The following AP3B1 variants were observed in gnomAD, a reference collection of about 807,000 sequenced individuals.
The protein encoded by AP3B1 is AP-3 complex subunit beta-1.
AP3B1 carries 61 observed loss-of-function variants against 132.5 expected under a neutral mutation model. The observed-to-expected ratio is 0.46, with a 90% CI of 0.37 to 0.57. The LOEUF (loss-of-function observed/expected upper bound fraction) is 0.57, where lower values mean the gene tolerates loss of function less well. AP3B1 is among the 20% of genes least tolerant of loss of function. AP3B1 has a pLI of 0.00. For missense variants in AP3B1, 1,120 were observed against 1,289.4 expected (o/e 0.87, Z 2.01); for synonymous variants, 388 against 438.3 (o/e 0.89, Z 1.43).
intron 2 of AP3B1, among the ~76,000 whole-genome samples, chr5:78,260,894 C>A (rs1422211902): frequency 6.6e-6 from 1 of 152,142 alleles, no homozygotes; most frequent in Non-Finnish European, 1.5e-5. Context: ...TTATTTGACT[C>A]AGCATAATGA....
At chr5:78,269,820 T>C (rs1044040576) in intron 1 of AP3B1, among the ~76,000 whole-genome samples, 9 of 152,208 alleles carry the variant, frequency 5.9e-5, no homozygotes, top group Non-Finnish European at 1.2e-4. Flanking sequence ...AATGTAATTT[T>C]ATGTTTATTG....
intron 7 of AP3B1, among the ~76,000 whole-genome samples, chr5:78,213,215 T>C (rs1358563175): frequency 6.6e-6 from 1 of 152,144 alleles, no homozygotes; most frequent in Admixed American, 6.5e-5. Flanking sequence ...CTACCATGTG[T>C]AGTCGCTAAA....
At chr5:78,148,819 A>C (rs1334719026) in intron 14 of AP3B1, among the ~76,000 whole-genome samples, 1 of 152,174 alleles carries the variant, frequency 6.6e-6, no homozygotes, top group Non-Finnish European at 1.5e-5. Flanking sequence ...GTCTTCTTCC[A>C]TCTAGAGTTC....
chr5:78,049,019 C>G (rs1236885266), intron 22 of AP3B1, among the ~76,000 whole-genome samples: 1 of 152,208 alleles, frequency 6.6e-6, no homozygotes, highest in Non-Finnish European at 1.5e-5. Flanking sequence ...TCTGCCATAT[C>G]TGTAGGTCAA....
Position 78,167,519 on chromosome 5 carries a change from C to CA in AP3B1, c.1168-1848dup, listed in dbSNP as rs202026122. Among the ~76,000 whole-genome samples the CA allele has an allele frequency of 6.6e-4, 100 of 152,090 alleles. No homozygotes were observed. The East Asian group carries it at 0.018, about 27-fold the overall frequency. On this transcript the variant is annotated intron_variant, in intron 11 of 26. Transcript: ENST00000255194. ...ACCCAGAGGAAAAGAAGACATTATA[C>CA]AAAAAAGATACTTGCACACACGTTT...
intron 21 of AP3B1, among the ~76,000 whole-genome samples, chr5:78,091,445 T>C (rs904816394): frequency 2.6e-5 from 4 of 152,030 alleles, no homozygotes; most frequent in Non-Finnish European, 2.9e-5. Flanking sequence ...GCTCACTTAG[T>C]ACGGCTGAAG....
At chr5:78,119,381 C>T (rs1408010894) in intron 17 of AP3B1, among the ~76,000 whole-genome samples, 1 of 152,144 alleles carries the variant, frequency 6.6e-6, no homozygotes, top group Non-Finnish European at 1.5e-5. Context: ...TTCAGATGAT[C>T]AAACTACTCC....
chr5:78,028,470 T>C (rs985830897), intron 24 of AP3B1, among the ~76,000 whole-genome samples: 1 of 152,082 alleles, frequency 6.6e-6, no homozygotes, highest in Non-Finnish European at 1.5e-5. Context: ...AAATTATAAT[T>C]TTGTCTCTTC....
intron 22 of AP3B1, among the ~76,000 whole-genome samples, chr5:78,079,992 T>C (rs769689481): frequency 8.5e-5 from 13 of 152,278 alleles, no homozygotes; most frequent in Admixed American, 2.6e-4. Context: ...TGGCTTCCTA[T>C]GTATTCTTTT....
At chr5:78,133,769 T>C (rs1362100330) in intron 15 of AP3B1, among the ~76,000 whole-genome samples, 1 of 152,200 alleles carries the variant, frequency 6.6e-6, no homozygotes, top group Non-Finnish European at 1.5e-5. Flanking sequence ...TATATACAGC[T>C]ATTTATTAAA....
intron 7 of AP3B1, among the ~76,000 whole-genome samples, chr5:78,202,990 T>C (rs933903832): frequency 2.0e-5 from 3 of 152,238 alleles, no homozygotes; most frequent in African/African-American, 7.2e-5. Flanking sequence ...AGGAAAGTTT[T>C]GCCAAAGAAG....
intron 20 of AP3B1, chr5:78,101,274 T>C (rs140211128): frequency 4.5e-5 from 21 of 471,668 alleles, no homozygotes; most frequent in African/African-American, 3.2e-4. Flanking sequence ...GAACAAAATT[T>C]AAAGGTATGT....
Position 78,165,605 on chromosome 5 carries a change from C to A in AP3B1, c.1230+5G>T. 1.2e-6 allele frequency: 2 copies of A among 1,603,296 alleles called. No homozygotes were observed. The highest frequency in any genetic ancestry group is 1.7e-6 in the Non-Finnish European group (2 of 1,171,482). ...AGTTTTTTATAATTAGCACTGTACACAAACCTGAAATTCTCGAAGAAGAGT... is the reference window on the plus strand; with the variant it reads ...AGTTTTTTATAATTAGCACTGTACAAAAACCTGAAATTCTCGAAGAAGAGT... On this transcript the variant is annotated splice_donor_5th_base_variant and intron_variant, in intron 12 of 26. Transcript: ENST00000255194.
chr5:78,042,869 C>T (rs2112108625), intron 22 of AP3B1: 3 of 164,022 alleles, frequency 1.8e-5, no homozygotes, highest in Middle Eastern at 1.0e-3. Flanking sequence ...TGAATTCCAA[C>T]CAACCTTCTA....
Position 78,244,899 on chromosome 5 carries a change from G to C in AP3B1, c.205-3963C>G, listed in dbSNP as rs370855094. Among the ~76,000 whole-genome samples the C allele has an allele frequency of 6.4e-4, 98 of 152,168 alleles. 1 individual carries two copies. The South Asian group carries it at 0.017, about 27-fold the overall frequency. The stretch of plus-strand genomic sequence containing the variant: ...AATCCCAGCTACTCAGGAGGCTGAG[G>C]CACGAGAATCGCTTGAACCCAGGAG... On this transcript the variant is annotated intron_variant, in intron 2 of 26. Transcript: ENST00000255194.
chr5:78,086,220 A>G (rs1750243826), intron 22 of AP3B1, among the ~76,000 whole-genome samples: 1 of 152,146 alleles, frequency 6.6e-6, no homozygotes, highest in South Asian at 2.1e-4. Context: ...ATGTTTCAGC[A>G]TATCTATGTA....
intron 14 of AP3B1, among the ~76,000 whole-genome samples, chr5:78,155,653 A>G (rs1198720441): frequency 6.6e-6 from 1 of 152,188 alleles, no homozygotes; most frequent in Admixed American, 6.5e-5. Context: ...CATATTGTCC[A>G]GAAAAGGCAA....
At chr5:78,143,800 G>A (rs1008872329) in intron 14 of AP3B1, among the ~76,000 whole-genome samples, 11 of 152,068 alleles carry the variant, frequency 7.2e-5, no homozygotes, top group African/African-American at 2.4e-4. Context: ...GATCACTTGA[G>A]GACAGGAGTT....
Position 78,184,548 on chromosome 5 carries a change from C to T in AP3B1, c.787-2886G>A, listed in dbSNP as rs1744518087. ...AAAAAAATACAAAAAAGTAGCCAGG[C>T]ATGGTGGTGGGTGCCTGTAGTCCCA... On this transcript the variant is annotated intron_variant, in intron 7 of 26. Coordinates refer to ENST00000255194, the MANE Select transcript of AP3B1 (RefSeq NM_003664.5). Among the ~76,000 whole-genome samples the T allele has an allele frequency of 2.0e-5, 3 of 150,750 alleles. No individual in the cohort carries two copies. In the Admixed American group the frequency reaches 2.0e-4, roughly 10 times the overall value.
Sources: gnomAD v4.1 joint callset for allele counts (sites outside exome capture counted in the v4.1 genomes callset) on GRCh38, gnomAD v4.1.1 for gene constraint, MANE v1.5 for transcripts, NCBI Gene and HGNC (gene_info 2026-07-23, HGNC 2026-07-21) for gene names.